The following PRDM16 variants were observed in gnomAD, a reference collection of about 807,000 sequenced individuals.
The protein encoded by PRDM16 is histone-lysine N-methyltransferase PRDM16.
PRDM16 carries 23 observed loss-of-function variants against 110.6 expected under a neutral mutation model. The observed-to-expected ratio is 0.21, with a 90% CI of 0.15 to 0.29. The LOEUF (loss-of-function observed/expected upper bound fraction) is 0.29, where lower values mean the gene tolerates loss of function less well. Among genes scored for constraint, PRDM16 ranks in the 10% least tolerant of loss-of-function variants. PRDM16 has a pLI of 1.00. For missense variants in PRDM16, 1,615 were observed against 1,794.3 expected (o/e 0.90, Z 1.81); for synonymous variants, 799 against 781.8 (o/e 1.02, Z -0.37).
Position 3,190,587 on chromosome 1 carries a change from G to C in PRDM16, c.387+4113G>C, listed in dbSNP as rs1326159207. ...GTGCATGGCTGTGTGTGTGCCCCAGGGGTGTGTGGAAACGGCCCCCTGGGC... is the reference window on the plus strand; with the variant it reads ...GTGCATGGCTGTGTGTGTGCCCCAGCGGTGTGTGGAAACGGCCCCCTGGGC... On this transcript the variant is annotated intron_variant, in intron 2 of 16. Transcript: ENST00000270722. This position sits in a 1 kb window ranked among gnomAD's most constrained non-coding sequence, Gnocchi z 5.0. Among the ~76,000 whole-genome samples, 1 of 152,112 alleles carries C rather than the reference G, an allele frequency of 6.6e-6. No individual in the cohort carries two copies. Among genetic ancestry groups the C allele is most frequent in the Non-Finnish European group, 1.5e-5 (1 of 68,014 alleles).
At chr1:3,170,195 G>A (rs576012391) in intron 1 of PRDM16, among the ~76,000 whole-genome samples, 1 of 152,346 alleles carries the variant, frequency 6.6e-6, no homozygotes, top group Non-Finnish European at 1.5e-5. Flanking sequence ...GGCAAGTGCG[G>A]CCAGGGGGCC....
intron 3 of PRDM16, among the ~76,000 whole-genome samples, chr1:3,335,846 C>G (rs1162653954): frequency 2.6e-5 from 4 of 152,180 alleles, no homozygotes; most frequent in Admixed American, 2.6e-4. Context: ...ACAGGAGGCC[C>G]GGGGGCCAAG....
intron 3 of PRDM16, among the ~76,000 whole-genome samples, chr1:3,351,056 G>C (rs776523601): frequency 8.5e-5 from 13 of 152,218 alleles, no homozygotes; most frequent in African/African-American, 3.1e-4. Context: ...GCACAGACAG[G>C]CCAAGAGATC....
At chr1:3,238,028 G>C (rs934755053) in intron 2 of PRDM16, 1 of 152,514 alleles carries the variant, frequency 6.6e-6, no homozygotes, top group Non-Finnish European at 1.5e-5. Flanking sequence ...TCCCAGTGCT[G>C]TTCCCTGCTC....
chr1:3,385,044 G>A, intron 3 of PRDM16, 108 bp from the exon 4 acceptor site: 1 of 1,398,084 alleles, frequency 7.2e-7, no homozygotes, highest in Non-Finnish European at 9.9e-7. Context: ...ACGCCGACTT[G>A]CCTTCCTACT....
intron 3 of PRDM16, among the ~76,000 whole-genome samples, chr1:3,336,055 A>C (rs1468818870): frequency 6.6e-6 from 1 of 152,208 alleles, no homozygotes; most frequent in Non-Finnish European, 1.5e-5. Flanking sequence ...GCTGACGCTG[A>C]TGTGCAGAAC....
intron 4 of PRDM16, among the ~76,000 whole-genome samples, chr1:3,387,746 C>G (rs924044066): frequency 2.0e-5 from 3 of 152,246 alleles, no homozygotes; most frequent in African/African-American, 7.2e-5. Flanking sequence ...CTCCTGAAAT[C>G]TCAACCGTGA....
chr1:3,358,171 C>T lies in PRDM16; in HGVS notation c.439-26981C>T, dbSNP rs558661620. On this transcript the variant is annotated intron_variant, in intron 3 of 16. Transcript: ENST00000270722. This position sits in a 1 kb window ranked among gnomAD's most constrained non-coding sequence, Gnocchi z 4.0. ...CAGGGCAACGTGGACCACACAGACA[C>T]GGTGCAATAGGCCACTTTCTGGCCT... 1.8e-4 allele frequency among the ~76,000 whole-genome samples: 27 copies of T among 152,362 alleles called. No individual in the cohort carries two copies. The highest frequency in any genetic ancestry group is 6.8e-3 in the Middle Eastern group (2 of 294).
chr1:3,078,698 T>G (rs2742689), intron 1 of PRDM16, among the ~76,000 whole-genome samples: 25,759 of 152,266 alleles, frequency 0.17, 2,840 homozygotes, highest in Non-Finnish European at 0.25. Flanking sequence ...GCCAACGTTT[T>G]AGCGGAGGGA....
intron 3 of PRDM16, among the ~76,000 whole-genome samples, chr1:3,362,380 C>T (rs1190710583): frequency 2.0e-5 from 3 of 152,148 alleles, no homozygotes; most frequent in Admixed American, 6.5e-5. Flanking sequence ...AAAGCAGACT[C>T]GGGCTCACAA....
At chr1:3,413,676 G>A (rs1643733281) in intron 9 of PRDM16, among the ~76,000 whole-genome samples, 1 of 152,162 alleles carries the variant, frequency 6.6e-6, no homozygotes, top group Admixed American at 6.5e-5. Flanking sequence ...TCTTGCAACG[G>A]GGTGGCAGGT....
chr1:3,426,253 A>C, intron 14 of PRDM16, 28 bp downstream of exon 14: 2 of 1,603,890 alleles, frequency 1.2e-6, no homozygotes, highest in Non-Finnish European at 8.5e-7. Context: ...GGCTGGGGAA[A>C]GTCTGGACCC....
intron 4 of PRDM16, among the ~76,000 whole-genome samples, chr1:3,385,966 G>A (rs1249500133): frequency 6.6e-6 from 1 of 152,208 alleles, no homozygotes; most frequent in African/African-American, 2.4e-5. Context: ...GGCTGATCAG[G>A]GGAGAAGACG....
At chr1:3,302,403 G>A (rs1478260617) in intron 3 of PRDM16, among the ~76,000 whole-genome samples, 4 of 152,140 alleles carry the variant, frequency 2.6e-5, no homozygotes, top group Admixed American at 6.5e-5. Flanking sequence ...AAAAGGTGAC[G>A]GTGGCATGCA....
At chr1:3,082,113 G>GT (rs1487860944) in intron 1 of PRDM16, among the ~76,000 whole-genome samples, 1 of 152,172 alleles carries the variant, frequency 6.6e-6, no homozygotes, top group Non-Finnish European at 1.5e-5. Context: ...GCTCCACCAT[G>GT]TTAGATGACC....
At chr1:3,092,309 G>T (rs1417365567) in intron 1 of PRDM16, among the ~76,000 whole-genome samples, 1 of 39,558 alleles carries the variant, frequency 2.5e-5, no homozygotes, top group Non-Finnish European at 4.5e-5. Context: ...CGAGGCAGAG[G>T]CTACTGTGTG....
intron 8 of PRDM16, among the ~76,000 whole-genome samples, chr1:3,407,182 C>T (rs936539459): frequency 6.6e-6 from 1 of 152,338 alleles, no homozygotes; most frequent in East Asian, 1.9e-4. Flanking sequence ...GCACTGACCA[C>T]TTGCACAAGA....
At position 3,181,138 on chromosome 1, in the gene PRDM16, GGTCTTACACACGCA is replaced by G. The variant is rs1462334897; in HGVS notation, c.38-4977_38-4964del. Among the ~76,000 whole-genome samples the G allele has an allele frequency of 3.3e-3, 369 of 112,856 alleles. 9 individuals carry two copies. The highest frequency in any genetic ancestry group is 0.012 in the African/African-American group (348 of 29,346). The allele number at this position is 112,856 out of a possible 152,430, so 74.0% of individuals were successfully genotyped here. A position where few individuals can be genotyped will look rare whatever the true frequency, so the allele number is the denominator to read the frequency against. On this transcript the variant is annotated intron_variant, in intron 1 of 16. Coordinates refer to ENST00000270722, the MANE Select transcript of PRDM16 (RefSeq NM_022114.4). ...GCCTTACACACGCAGTCTTACACGC[GGTCTTACACACGCA>G]GTCTTACACGCGGTCTTACGGTCTT... is the stretch of plus-strand genomic sequence containing the variant.
intron 1 of PRDM16, among the ~76,000 whole-genome samples, chr1:3,095,331 A>G (rs1642372021): frequency 6.8e-6 from 1 of 147,988 alleles, no homozygotes; most frequent in Non-Finnish European, 1.5e-5. Flanking sequence ...GTAGCAAACA[A>G]CTCGGTGTGT....
Sources: gnomAD v4.1 joint callset for allele counts (sites outside exome capture counted in the v4.1 genomes callset) on GRCh38, gnomAD v4.1.1 for gene constraint, Gnocchi (gnomAD v3.1) non-coding constraint, MANE v1.5 for transcripts, NCBI Gene and HGNC (gene_info 2026-07-23, HGNC 2026-07-21) for gene names.